Variants in PDZRN3 observed in about 807,000 individuals in gnomAD.
The protein encoded by PDZRN3 is E3 ubiquitin-protein ligase PDZRN3.
In PDZRN3, 38 loss-of-function variants were observed where a neutral mutation model predicts 85.7. The observed-to-expected ratio is 0.44, with a 90% CI of 0.34 to 0.58. The LOEUF is 0.58. PDZRN3 is among the 20% of genes least tolerant of loss of function. The probability of loss-of-function intolerance (pLI) is 0.01; values close to 1 mark genes in which losing one functional copy is unlikely to be tolerated. For synonymous variants in PDZRN3, 759 were observed against 638.0 expected, an observed-to-expected ratio of 1.19 and a Z score of -2.86; for missense variants, 1,629 against 1,506.4, an observed-to-expected ratio of 1.08 and a Z score of -1.35.
chr3:73,504,425 G>A (rs570503364), intron 3 of PDZRN3, among the ~76,000 whole-genome samples: 1 of 152,234 alleles, frequency 6.6e-6, no homozygotes, highest in African/African-American at 2.4e-5. Flanking sequence ...TGACAAGCAG[G>A]GTTTTTATGG....
At chr3:73,421,139 C>T (rs1702193196) in intron 3 of PDZRN3, among the ~76,000 whole-genome samples, 2 of 152,116 alleles carry the variant, frequency 1.3e-5, no homozygotes, top group South Asian at 2.1e-4. Context: ...ATGAAGAACC[C>T]ATAGATATGA....
chr3:73,431,670 A>G (rs1702433804), intron 3 of PDZRN3, among the ~76,000 whole-genome samples: 1 of 152,224 alleles, frequency 6.6e-6, no homozygotes, highest in Admixed American at 6.5e-5. Context: ...TCTGAAAAGT[A>G]GTTTGAGTTT....
intron 3 of PDZRN3, among the ~76,000 whole-genome samples, chr3:73,549,269 ATT>A (rs1216616451): frequency 6.6e-6 from 1 of 152,154 alleles, no homozygotes; most frequent in East Asian, 1.9e-4. Context: ...CACGACTTCA[ATT>A]TTCATGATTA....
chr3:73,384,609 TGAGCTCCAG>T lies in PDZRN3; in HGVS notation c.1948_1956del (p.Leu650_Leu652del), dbSNP rs1701316535. 6.2e-7 allele frequency: 1 copy of T among 1,613,816 alleles called. No individual in the cohort carries two copies. Among genetic ancestry groups the T allele is most frequent in the African/African-American group, 1.3e-5 (1 of 75,052 alleles). ...GGGGTGGCGCTCTTCACCTGGCACT[TGAGCTCCAG>T]GAGCTCGCGGAAGCGCTCGCACTCG... On this transcript the variant is annotated inframe_deletion, in exon 10 of 10. Coordinates refer to ENST00000263666, the MANE Select transcript of PDZRN3 (RefSeq NM_015009.3).
intron 3 of PDZRN3, among the ~76,000 whole-genome samples, chr3:73,468,983 G>A (rs549107937): frequency 6.6e-6 from 1 of 151,934 alleles, no homozygotes; most frequent in African/African-American, 2.4e-5. Flanking sequence ...AAGTAATATT[G>A]GCTCCTATTA....
chr3:73,530,128 C>T (rs1204378458), intron 3 of PDZRN3, among the ~76,000 whole-genome samples: 3 of 152,158 alleles, frequency 2.0e-5, no homozygotes, highest in Non-Finnish European at 1.5e-5. Flanking sequence ...AAATTCCCAT[C>T]GCACTCTGGG....
chr3:73,566,734 A>G (rs533228178), intron 3 of PDZRN3, among the ~76,000 whole-genome samples: 2 of 152,338 alleles, frequency 1.3e-5, no homozygotes, highest in South Asian at 4.1e-4. Flanking sequence ...ACAAACCACT[A>G]ACAAGGGGCA....
chr3:73,494,792 C>T (rs745374735), intron 3 of PDZRN3, among the ~76,000 whole-genome samples: 17 of 152,170 alleles, frequency 1.1e-4, no homozygotes, highest in Non-Finnish European at 2.5e-4. Flanking sequence ...AAAGAGCACA[C>T]ATAATTTTTT....
At chr3:73,533,145 G>A (rs1704697955) in intron 3 of PDZRN3, among the ~76,000 whole-genome samples, 1 of 152,190 alleles carries the variant, frequency 6.6e-6, no homozygotes, top group Non-Finnish European at 1.5e-5. Flanking sequence ...GATCAGAAAT[G>A]AAGCATTTTA....
intron 3 of PDZRN3, among the ~76,000 whole-genome samples, chr3:73,562,518 C>T (rs1220687759): frequency 2.0e-5 from 3 of 152,150 alleles, no homozygotes; most frequent in East Asian, 3.9e-4. Context: ...ATTACTAAGA[C>T]GTCACTTTGC....
chr3:73,409,268 G>C (rs539017749), intron 3 of PDZRN3, among the ~76,000 whole-genome samples: 1 of 152,282 alleles, frequency 6.6e-6, no homozygotes, highest in African/African-American at 2.4e-5. Flanking sequence ...AGACAATTAT[G>C]CTGAGGGCAT....
intron 3 of PDZRN3, among the ~76,000 whole-genome samples, chr3:73,531,717 A>G (rs140961014): frequency 2.0e-5 from 3 of 152,278 alleles, no homozygotes; most frequent in Non-Finnish European, 4.4e-5. Context: ...CCAAATTCCC[A>G]ATGCTACACA....
intron 3 of PDZRN3, among the ~76,000 whole-genome samples, chr3:73,578,162 C>CTT (rs61521063): frequency 0.013 from 1,528 of 115,312 alleles, 30 homozygotes; most frequent in African/African-American, 0.021. Context: ...TTTGACCATT[C>CTT]TTTTTTTTTT....
intron 3 of PDZRN3, among the ~76,000 whole-genome samples, chr3:73,558,840 AC>A (rs1287714280): frequency 2.0e-5 from 3 of 152,180 alleles, no homozygotes; most frequent in Non-Finnish European, 2.9e-5. Context: ...TTCGACATTA[AC>A]CCTGCAAGCC....
chr3:73,406,360 G>A (rs974409518), intron 3 of PDZRN3, among the ~76,000 whole-genome samples: 2 of 152,228 alleles, frequency 1.3e-5, no homozygotes, highest in Admixed American at 1.3e-4. Context: ...GGAATGGGGT[G>A]TAGATGGGGA....
chr3:73,574,338 G>C (rs1381285414), intron 3 of PDZRN3, among the ~76,000 whole-genome samples: 1 of 152,046 alleles, frequency 6.6e-6, no homozygotes, highest in Non-Finnish European at 1.5e-5. Flanking sequence ...ATGGTAATTA[G>C]GCAGAGTGAG....
chr3:73,516,165 G>A (rs577050378), intron 3 of PDZRN3, among the ~76,000 whole-genome samples: 1 of 152,326 alleles, frequency 6.6e-6, no homozygotes, highest in Admixed American at 6.5e-5. Flanking sequence ...ATTGCATAAT[G>A]TTACAAGTAG....
At chr3:73,486,615 T>C (rs1228280430) in intron 3 of PDZRN3, among the ~76,000 whole-genome samples, 6 of 152,204 alleles carry the variant, frequency 3.9e-5, no homozygotes, top group African/African-American at 1.2e-4. Context: ...ATGGTTAAAA[T>C]AGTAAAATAA....
intron 3 of PDZRN3, among the ~76,000 whole-genome samples, chr3:73,580,757 T>G (rs1384141817): frequency 6.6e-6 from 1 of 152,244 alleles, no homozygotes; most frequent in African/African-American, 2.4e-5. Flanking sequence ...AACCTTGACT[T>G]GTTTGCCTAC....
Sources: gnomAD v4.1 joint callset for allele counts (sites outside exome capture counted in the v4.1 genomes callset) on GRCh38, gnomAD v4.1.1 for gene constraint, MANE v1.5 for transcripts, NCBI Gene and HGNC (gene_info 2026-07-23, HGNC 2026-07-21) for gene names.